LIPA: variants seen among roughly 807,000 people sequenced by gnomAD.
LIPA encodes the protein lysosomal acid lipase/cholesteryl ester hydrolase.
In LIPA, 26 loss-of-function variants were observed where a neutral mutation model predicts 40.6. The observed-to-expected ratio is 0.64, with a 90% CI of 0.47 to 0.89. The LOEUF (loss-of-function observed/expected upper bound fraction) is 0.89, where lower values mean the gene tolerates loss of function less well. Among genes scored for constraint, LIPA ranks in the 40% least tolerant of loss-of-function variants. LIPA has a pLI of 0.00. For missense variants in LIPA, 455 were observed against 479.6 expected (o/e 0.95, Z 0.48); for synonymous variants, 188 against 168.4 (o/e 1.12, Z -0.90).
chr10:89,287,147 C>T (rs893306284), intron 1 of LIPA, among the ~76,000 whole-genome samples: 4 of 152,250 alleles, frequency 2.6e-5, no homozygotes, highest in African/African-American at 9.6e-5. Flanking sequence ...CTTCCCAGAT[C>T]TTCTGGGCTT....
At chr10:89,240,664 A>C (rs1226351075) in intron 3 of LIPA, among the ~76,000 whole-genome samples, 2 of 152,224 alleles carry the variant, frequency 1.3e-5, no homozygotes, top group African/African-American at 2.4e-5. Context: ...TAAATAGTAG[A>C]GCCAGAACTT....
In LIPA at chr10:89,246,097, C is replaced by T. The variant is rs2246833; in HGVS notation, c.112-304G>A. On this transcript the variant is annotated intron_variant, in intron 2 of 9. Transcript: ENST00000336233. ...GCCTCTTTGTTTCCATCCTGCCTAC[C>T]GGGCACAAATAAATGCTCATTTCTT... Among the ~76,000 whole-genome samples, 57,516 of 151,904 alleles carry T rather than the reference C, an allele frequency of 0.38. 11,201 individuals carry two copies. Among genetic ancestry groups the T allele is most frequent in the South Asian group, 0.53 (2,533 of 4,818 alleles).
At chr10:89,278,695 T>C (rs9664487) in intron 1 of LIPA, among the ~76,000 whole-genome samples, 40,183 of 151,966 alleles carry the variant, frequency 0.26, 6,340 homozygotes, top group East Asian at 0.67. Context: ...GTAAGAAGTC[T>C]CATAAAATAT....
intron 1 of LIPA, among the ~76,000 whole-genome samples, chr10:89,287,974 T>C (rs1395529096): frequency 6.6e-6 from 1 of 152,198 alleles, no homozygotes. Context: ...TTCTTTACTA[T>C]TCCTTTGCAC....
At chr10:89,371,755 T>C (rs975535269) in intron 2 of LIPA, among the ~76,000 whole-genome samples, 1 of 152,218 alleles carries the variant, frequency 6.6e-6, no homozygotes, top group Non-Finnish European at 1.5e-5. Context: ...ATTTTTACCA[T>C]TGGAACCTTA....
rs141372286 is a variant in LIPA at position 89,327,368 on chromosome 10, T to C, written c.-2+15243A>G. Among the ~76,000 whole-genome samples the C allele has an allele frequency of 7.3e-3, 1,111 of 152,230 alleles. 16 individuals are homozygous for C. Among genetic ancestry groups the C allele is most frequent in the African/African-American group, 0.026 (1,064 of 41,534 alleles). On this transcript the variant is annotated intron_variant, in intron 1 of 5. Transcript: ENST00000282673. ...GAGTTCAAGACCAGCCTGACCAACA[T>C]GGCGAAACCTCGTCTCTACTAAAAA...
chr10:89,345,283 C>G (rs967698997), upstream of LIPA, among the ~76,000 whole-genome samples: 3 of 151,618 alleles, frequency 2.0e-5, no homozygotes, highest in Non-Finnish European at 4.4e-5. Flanking sequence ...AATCCCAGCA[C>G]TTTGGGAGGC....
intron 3 of LIPA, among the ~76,000 whole-genome samples, chr10:89,241,490 G>A (rs1364256505): frequency 6.6e-6 from 1 of 152,194 alleles, no homozygotes; most frequent in Non-Finnish European, 1.5e-5. Context: ...TTCTTTAGAA[G>A]TGAAGGATTT....
At chr10:89,249,502 C>G (rs541326701) in intron 1 of LIPA, among the ~76,000 whole-genome samples, 16 of 152,092 alleles carry the variant, frequency 1.1e-4, no homozygotes, top group African/African-American at 3.9e-4. Context: ...CTGGAAAAAC[C>G]CAAATGCTTT....
At chr10:89,298,838 T>C (rs139886539) in intron 1 of LIPA, among the ~76,000 whole-genome samples, 3,224 of 151,494 alleles carry the variant, frequency 0.021, 107 homozygotes, top group African/African-American at 0.072. Context: ...ATACAAAAAT[T>C]AGCCAGGCAC....
chr10:89,223,564 CAAATG>C (rs1331524302), intron 7 of LIPA, 115 bp downstream of exon 7: 1 of 884,372 alleles, frequency 1.1e-6, no homozygotes, highest in Non-Finnish European at 1.8e-6. Flanking sequence ...TTGTGCCTCT[CAAATG>C]AAAGACTCTT....
At chr10:89,240,428 G>A (rs1451695214) in intron 3 of LIPA, among the ~76,000 whole-genome samples, 3 of 151,994 alleles carry the variant, frequency 2.0e-5, no homozygotes, top group Non-Finnish European at 4.4e-5. Context: ...TGGGAGACAC[G>A]GTGAGACTTT....
At chr10:89,215,290 T>G (rs1193783793) in intron 9 of LIPA, among the ~76,000 whole-genome samples, 1 of 152,226 alleles carries the variant, frequency 6.6e-6, no homozygotes, top group Non-Finnish European at 1.5e-5. Flanking sequence ...GTGGAGCTGC[T>G]GCCGTAGGCT....
At chr10:89,412,704 C>G in intron 2 of LIPA, 1 of 431,222 alleles carries the variant, frequency 2.3e-6, no homozygotes, top group Non-Finnish European at 4.6e-6. Flanking sequence ...GAACGAACAA[C>G]TCCGGACGCG....
At chr10:89,302,540 G>C (rs1320474313) in intron 1 of LIPA, among the ~76,000 whole-genome samples, 1 of 152,124 alleles carries the variant, frequency 6.6e-6, no homozygotes, top group African/African-American at 2.4e-5. Flanking sequence ...TTTAACAAAA[G>C]GGTTCTTTTC....
chr10:89,407,830 C>T (rs367862995), intron 2 of LIPA, among the ~76,000 whole-genome samples: 6 of 152,022 alleles, frequency 3.9e-5, no homozygotes, highest in Non-Finnish European at 7.4e-5. Flanking sequence ...TGCAGGTTTT[C>T]GAGAATGTGT....
At chr10:89,324,323 A>G (rs181493132) in intron 1 of LIPA, among the ~76,000 whole-genome samples, 1 of 152,340 alleles carries the variant, frequency 6.6e-6, no homozygotes, top group Admixed American at 6.5e-5. Flanking sequence ...CTGGCTAGCC[A>G]TATATAGAAG....
chr10:89,247,582 C>T lies in LIPA; in HGVS notation c.67G>A (p.Gly23Arg), dbSNP rs1051339. 166,380 of 1,612,192 alleles carry T rather than the reference C, an allele frequency of 0.1. 9,505 individuals are homozygous for T. The highest frequency in any genetic ancestry group is 0.22 in the African/African-American group (16,579 of 74,790). Residue 23 changes from glycine (G) to arginine (R), a missense_variant, in exon 2 of 10, where the codon GGA (glycine) becomes AGA (arginine). Transcript: ENST00000336233. ...VLWTLHSEGS[G>R]GKLTAVDPET... ...GGATCCACAGCTGTCAGTTTCCCTC[C>T]AGACCCCTCAGAATGCAGGGTCCAG... is the stretch of plus-strand genomic sequence containing the variant.
chr10:89,329,013 A>C (rs1374328739), intron 1 of LIPA, among the ~76,000 whole-genome samples: 2 of 152,184 alleles, frequency 1.3e-5, no homozygotes, highest in Non-Finnish European at 2.9e-5. Flanking sequence ...AATCTCAGTA[A>C]ACTTGATTTT....
Sources: allele counts gnomAD v4.1 joint callset (sites outside exome capture counted in the v4.1 genomes callset), GRCh38; gene constraint gnomAD v4.1.1; transcripts MANE v1.5; gene names NCBI Gene and HGNC (gene_info 2026-07-23, HGNC 2026-07-21).